The following ATP2B4 variants were observed in gnomAD, a reference collection of about 807,000 sequenced individuals.
The protein encoded by ATP2B4 is plasma membrane calcium-transporting ATPase 4.
ATP2B4 carries 39 observed loss-of-function variants against 110.3 expected under a neutral mutation model. The observed-to-expected ratio is 0.35, with a 90% CI of 0.27 to 0.46. The LOEUF (loss-of-function observed/expected upper bound fraction) is 0.46. Ranked by LOEUF, ATP2B4 falls within the 20% of genes least tolerant of loss-of-function variation. The pLI, the probability that ATP2B4 is intolerant of heterozygous loss-of-function variation, is 1.00. For missense variants in ATP2B4, 1,135 were observed against 1,530.9 expected, an observed-to-expected ratio of 0.74 and a Z score of 4.32; for synonymous variants, 538 against 571.7, an observed-to-expected ratio of 0.94 and a Z score of 0.84.
Position 203,739,958 on chromosome 1 carries a change from G to A in ATP2B4, c.*104G>A. The A allele has an allele frequency of 8.4e-7, 1 of 1,192,014 alleles. No individual in the cohort carries two copies. Among genetic ancestry groups the A allele is most frequent in the Non-Finnish European group, 1.2e-6 (1 of 858,260 alleles). 73.8% of individuals were successfully genotyped at this position (1,192,014 alleles called of 1,614,324 possible). On this transcript the variant is annotated 3_prime_UTR_variant, in exon 21 of 21. Transcript: ENST00000357681. ...TTTTCATTGTCACGTCAGCTGCTGT[G>A]TTAACAGCAGTGTGTGTGAAGTGAA...
intron 1 of ATP2B4, among the ~76,000 whole-genome samples, chr1:203,636,872 G>T (rs1379063098): frequency 6.6e-6 from 1 of 152,162 alleles, no homozygotes; most frequent in Non-Finnish European, 1.5e-5. Flanking sequence ...CCATCCTTCT[G>T]CCCAGGATGA....
chr1:203,729,169 G>A (rs921772192), intron 20 of ATP2B4, among the ~76,000 whole-genome samples: 2 of 152,032 alleles, frequency 1.3e-5, no homozygotes, highest in Non-Finnish European at 2.9e-5. Flanking sequence ...CCTCGTTAGT[G>A]TATAGGAGAG....
At chr1:203,646,945 T>C (rs1663819868) in intron 1 of ATP2B4, among the ~76,000 whole-genome samples, 1 of 152,114 alleles carries the variant, frequency 6.6e-6, no homozygotes, top group Admixed American at 6.6e-5. Context: ...TGGGTGAGTA[T>C]ATACATTTTT....
chr1:203,674,510 G>A (rs1664769938), intron 1 of ATP2B4, among the ~76,000 whole-genome samples: 1 of 151,886 alleles, frequency 6.6e-6, no homozygotes, highest in Non-Finnish European at 1.5e-5. Context: ...GTTTTACTCT[G>A]TTACCCAGGC....
In ATP2B4 at chr1:203,715,777, A is replaced by G. The variant is rs1354778351; in HGVS notation, c.2406+1500A>G. 4.1e-5 allele frequency among the ~76,000 whole-genome samples: 6 copies of G among 144,648 alleles called. 1 individual carries two copies. In the East Asian group the frequency reaches 1.2e-3, roughly 30 times the overall value. The allele number at this position is 144,648 out of a possible 152,430, so 94.9% of individuals were successfully genotyped here. On this transcript the variant is annotated intron_variant, in intron 15 of 20. Transcript: ENST00000357681. Reference sequence around the variant, plus strand: ...ATGTTTTTATAGTTTATTTGCCCAAATCAGGATTCAGATAAGATCCATAAC... The same window carrying G: ...ATGTTTTTATAGTTTATTTGCCCAAGTCAGGATTCAGATAAGATCCATAAC...
chr1:203,716,568 G>A (rs1666164062), intron 15 of ATP2B4, among the ~76,000 whole-genome samples: 1 of 145,034 alleles, frequency 6.9e-6, no homozygotes, highest in South Asian at 2.4e-4. Flanking sequence ...CCATTTCCCA[G>A]AAGCCAGCCA....
intron 2 of ATP2B4, among the ~76,000 whole-genome samples, chr1:203,695,293 G>A (rs1665500163): frequency 6.6e-6 from 1 of 152,192 alleles, no homozygotes; most frequent in South Asian, 2.1e-4. Flanking sequence ...GGTCCCTGGG[G>A]AGAAAGGACC....
At chr1:203,705,510 C>T (rs1211023126) in intron 8 of ATP2B4, among the ~76,000 whole-genome samples, 1 of 152,176 alleles carries the variant, frequency 6.6e-6, no homozygotes, top group African/African-American at 2.4e-5. Context: ...GTGAGTCTCC[C>T]GAGTAGCTGG....
chr1:203,631,253 C>T (rs958507528), intron 1 of ATP2B4, among the ~76,000 whole-genome samples: 3 of 152,244 alleles, frequency 2.0e-5, no homozygotes, highest in Non-Finnish European at 4.4e-5. Flanking sequence ...GCAGAGCCCC[C>T]ATTTCTACCT....
At chr1:203,666,589 T>C (rs1232229742) in intron 1 of ATP2B4, among the ~76,000 whole-genome samples, 1 of 152,176 alleles carries the variant, frequency 6.6e-6, no homozygotes, top group Non-Finnish European at 1.5e-5. Flanking sequence ...GAAAGCTGAC[T>C]CCTCTTCCTA....
Position 203,723,422 on chromosome 1 carries a change from C to CTG in ATP2B4, c.3025-458_3025-457insGT. On this transcript the variant is annotated intron_variant, in intron 18 of 20. Coordinates refer to ENST00000357681, the MANE Select transcript of ATP2B4 (RefSeq NM_001684.5). Reference sequence around the variant, plus strand: ...TTTTTTTTTCGTTTGAGACAGATATCTCTCTCTCTCTCTCTCTCTCTCTCT... The same window carrying CTG: ...TTTTTTTTTCGTTTGAGACAGATATCTGTCTCTCTCTCTCTCTCTCTCTCTCT... Among the ~76,000 whole-genome samples, 2 of 86,742 alleles carry CTG rather than the reference C, an allele frequency of 2.3e-5. 1 individual carries two copies. Among genetic ancestry groups the CTG allele is most frequent in the South Asian group, 8.9e-4 (2 of 2,258 alleles). The allele number at this position is 86,742 out of a possible 152,430, so 56.9% of individuals were successfully genotyped here. A position where few individuals can be genotyped will look rare whatever the true frequency, so the allele number is the denominator to read the frequency against.
At chr1:203,677,435 A>G (rs926470917) in intron 1 of ATP2B4, among the ~76,000 whole-genome samples, 1 of 152,070 alleles carries the variant, frequency 6.6e-6, no homozygotes, top group South Asian at 2.1e-4. Context: ...AAAAAAGACT[A>G]CGGGTTTTCT....
intron 20 of ATP2B4, chr1:203,733,145 T>C (rs1666780638): frequency 7.1e-7 from 1 of 1,409,376 alleles, no homozygotes; most frequent in South Asian, 1.4e-5. Context: ...CAACCTTCCA[T>C]GACCCTCCCT....
chr1:203,720,142 A>G (rs933589431), intron 15 of ATP2B4, among the ~76,000 whole-genome samples: 3 of 152,160 alleles, frequency 2.0e-5, no homozygotes, highest in Non-Finnish European at 2.9e-5. Flanking sequence ...CTGCCATACT[A>G]CTACTCCTAG....
chr1:203,726,380 T>C (rs993604343), intron 19 of ATP2B4, among the ~76,000 whole-genome samples: 33 of 151,710 alleles, frequency 2.2e-4, no homozygotes, highest in Non-Finnish European at 5.9e-5. Flanking sequence ...CCCTAATTAA[T>C]GTCTGACCCA....
At chr1:203,631,685 A>G (rs1663272485) in intron 1 of ATP2B4, among the ~76,000 whole-genome samples, 1 of 152,218 alleles carries the variant, frequency 6.6e-6, no homozygotes, top group Non-Finnish European at 1.5e-5. Context: ...AGTTAGCAAT[A>G]TCTAACAAAG....
chr1:203,682,993 C>A lies in ATP2B4; in HGVS notation c.-213C>A. On this transcript the variant is annotated 5_prime_UTR_variant, in exon 2 of 21. Transcript: ENST00000357681. ...TCAGTTCCCCCATCCTCTTCCTCCTCTCGCTGCCAGACTTCATACGGAAGA... is the reference window on the plus strand; with the variant it reads ...TCAGTTCCCCCATCCTCTTCCTCCTATCGCTGCCAGACTTCATACGGAAGA... The A allele has an allele frequency of 2.0e-6, 1 of 497,166 alleles. No homozygotes were observed. Among genetic ancestry groups the A allele is most frequent in the Non-Finnish European group, 3.6e-6 (1 of 280,726 alleles). 30.8% of individuals were successfully genotyped at this position (497,166 alleles called of 1,614,324 possible).
At chr1:203,660,831 C>T (rs1012757895) in intron 1 of ATP2B4, among the ~76,000 whole-genome samples, 5 of 151,636 alleles carry the variant, frequency 3.3e-5, no homozygotes, top group Non-Finnish European at 7.4e-5. Context: ...AGCACAGGGA[C>T]TGGGCACGGT....
chr1:203,707,809 T>A (rs1665892829), intron 9 of ATP2B4, 53 bp from the exon 10 acceptor site: 2 of 1,603,926 alleles, frequency 1.2e-6, no homozygotes, highest in African/African-American at 1.3e-5. Context: ...TGACCTAGAT[T>A]TAGGAGAGTC....
Sources: gnomAD v4.1 joint callset for allele counts (sites outside exome capture counted in the v4.1 genomes callset) on GRCh38, gnomAD v4.1.1 for gene constraint, MANE v1.5 for transcripts, NCBI Gene and HGNC (gene_info 2026-07-23, HGNC 2026-07-21) for gene names.